The following TASP1 variants were observed in gnomAD, a reference collection of about 807,000 sequenced individuals.
TASP1 encodes the protein taspase 1, also known as threonine aspartase 1.
In TASP1, 16 loss-of-function variants were observed where a neutral mutation model predicts 56.6. The observed-to-expected ratio is 0.28, with a 90% CI of 0.19 to 0.43. The LOEUF (loss-of-function observed/expected upper bound fraction) is 0.43. TASP1 is among the 20% of genes least tolerant of loss of function. TASP1 has a pLI of 1.00. For synonymous variants in TASP1, 179 were observed against 184.2 expected (o/e 0.97, Z 0.23); for missense variants, 393 against 511.6 (o/e 0.77, Z 2.24).
chr20:13,605,010 A>G (rs564846823), intron 4 of TASP1, among the ~76,000 whole-genome samples: 40 of 147,514 alleles, frequency 2.7e-4, no homozygotes, highest in East Asian at 7.9e-4. Context: ...ATATATATAT[A>G]TATGTATTTC....
At chr20:13,334,568 A>T in the TASP1 span, among the ~76,000 whole-genome samples, 4 of 152,180 alleles carry the variant, frequency 2.6e-5, no homozygotes, top group Non-Finnish European at 1.5e-5. Flanking sequence ...TGGATACTAA[A>T]TAACCAAGAT....
chr20:13,514,693 C>T (rs1019622720), intron 10 of TASP1, among the ~76,000 whole-genome samples: 1 of 152,270 alleles, frequency 6.6e-6, no homozygotes, highest in Admixed American at 6.5e-5. Context: ...TTTAAAACAA[C>T]TATCCATGCT....
the TASP1 span, among the ~76,000 whole-genome samples, chr20:13,111,804 G>T: frequency 5.9e-5 from 9 of 152,292 alleles, no homozygotes; most frequent in African/African-American, 1.7e-4. Context: ...ATAGAACTTG[G>T]CTCCAGTAAA....
intron 6 of TASP1, among the ~76,000 whole-genome samples, chr20:13,572,453 G>T (rs530949195): frequency 1.2e-4 from 19 of 152,278 alleles, no homozygotes; most frequent in African/African-American, 4.6e-4. Flanking sequence ...GGAGGCCGAG[G>T]CAAGTGGATC....
the TASP1 span, among the ~76,000 whole-genome samples, chr20:13,344,664 A>C: frequency 6.6e-6 from 1 of 152,208 alleles, no homozygotes; most frequent in Non-Finnish European, 1.5e-5. Context: ...CATGGGGTCA[A>C]TATGAAGCGT....
intron 13 of TASP1, among the ~76,000 whole-genome samples, chr20:13,396,782 G>A (rs888441746): frequency 6.6e-6 from 1 of 152,100 alleles, no homozygotes; most frequent in Non-Finnish European, 1.5e-5. Flanking sequence ...CATTCTCCAC[G>A]TTGAAAACAA....
the TASP1 span, among the ~76,000 whole-genome samples, chr20:13,286,881 G>A: frequency 6.6e-6 from 1 of 152,252 alleles, no homozygotes; most frequent in Non-Finnish European, 1.5e-5. Context: ...CTCCCGGCAA[G>A]GGGCATGCCT....
intron 10 of TASP1, among the ~76,000 whole-genome samples, chr20:13,497,043 T>A (rs893024244): frequency 6.6e-6 from 1 of 152,198 alleles, no homozygotes; most frequent in Non-Finnish European, 1.5e-5. Flanking sequence ...TGCATCAGAA[T>A]CAAAAGAAAC....
chr20:13,531,170 A>G (rs2045203023), intron 9 of TASP1, among the ~76,000 whole-genome samples: 1 of 152,172 alleles, frequency 6.6e-6, no homozygotes, highest in Non-Finnish European at 1.5e-5. Context: ...TTGACATTGA[A>G]TCTTCTACAA....
chr20:13,511,186 A>AG (rs912276188), intron 10 of TASP1, among the ~76,000 whole-genome samples: 2 of 151,998 alleles, frequency 1.3e-5, no homozygotes, highest in Non-Finnish European at 2.9e-5. Context: ...AGGAAAAAAA[A>AG]AAAAACTAAA....
At chr20:13,144,115 A>C in the TASP1 span, among the ~76,000 whole-genome samples, 1 of 152,154 alleles carries the variant, frequency 6.6e-6, no homozygotes, top group Non-Finnish European at 1.5e-5. Flanking sequence ...GATCTTTCCC[A>C]TGACTGGAAT....
At chr20:13,270,090 T>C in the TASP1 span, among the ~76,000 whole-genome samples, 1 of 152,190 alleles carries the variant, frequency 6.6e-6, no homozygotes, top group Non-Finnish European at 1.5e-5. Flanking sequence ...TTTTGCTCCA[T>C]AGCCTACACA....
At chr20:13,580,800 CA>C in intron 6 of TASP1, 96 bp downstream of exon 6, 1 of 1,199,792 alleles carries the variant, frequency 8.3e-7, no homozygotes, top group African/African-American at 1.5e-5. Flanking sequence ...GTCTTCTTCG[CA>C]AAGGCATGCT....
At chr20:13,208,685 C>T in the TASP1 span, among the ~76,000 whole-genome samples, 9 of 152,174 alleles carry the variant, frequency 5.9e-5, no homozygotes, top group Non-Finnish European at 8.8e-5. Context: ...TGGACCTTGT[C>T]ATCATTATGA....
At chr20:13,448,168 A>G (rs1437078175) in intron 11 of TASP1, among the ~76,000 whole-genome samples, 1 of 152,128 alleles carries the variant, frequency 6.6e-6, no homozygotes, top group East Asian at 1.9e-4. Context: ...TACAGTGAAG[A>G]TCTTGTTGCT....
At chr20:13,321,759 G>A in the TASP1 span, among the ~76,000 whole-genome samples, 5 of 152,178 alleles carry the variant, frequency 3.3e-5, no homozygotes, top group Non-Finnish European at 5.9e-5. Context: ...ATATTAAAAA[G>A]TAGCGTTGAA....
intron 7 of TASP1, among the ~76,000 whole-genome samples, chr20:13,563,053 CA>C (rs2046402897): frequency 6.9e-6 from 1 of 144,954 alleles, no homozygotes; most frequent in Non-Finnish European, 1.5e-5. Flanking sequence ...TACACATACA[CA>C]ACACACACAC....
At chr20:13,509,784 G>A (rs1321695956) in intron 10 of TASP1, among the ~76,000 whole-genome samples, 1 of 151,980 alleles carries the variant, frequency 6.6e-6, no homozygotes, top group African/African-American at 2.4e-5. Context: ...GCACCATCAC[G>A]CCCGGCTAAT....
the TASP1 span, among the ~76,000 whole-genome samples, chr20:13,308,557 G>A: frequency 6.6e-6 from 1 of 151,960 alleles, no homozygotes; most frequent in African/African-American, 2.4e-5. Flanking sequence ...GTCAAAAAGT[G>A]GAAACAGTTT....
Sources: allele counts gnomAD v4.1 joint callset (sites outside exome capture counted in the v4.1 genomes callset), GRCh38; gene constraint gnomAD v4.1.1; transcripts MANE v1.5; gene names NCBI Gene and HGNC (gene_info 2026-07-23, HGNC 2026-07-21).